Variants in RASGRF2 observed in about 807,000 individuals in gnomAD.
RASGRF2 encodes Ras protein specific guanine nucleotide releasing factor 2, also known as ras-specific guanine nucleotide-releasing factor 2.
In RASGRF2, 76 loss-of-function variants were observed where a neutral mutation model predicts 151.0. That is an observed-to-expected ratio of 0.50 (90% CI 0.42 to 0.61). The LOEUF is 0.61. RASGRF2 is among the 20% of genes least tolerant of loss of function. RASGRF2 has a pLI of 0.00. For synonymous variants in RASGRF2, 504 were observed against 566.5 expected, an observed-to-expected ratio of 0.89 and a Z score of 1.57; for missense variants, 1,148 against 1,564.6, an observed-to-expected ratio of 0.73 and a Z score of 4.49.
At chr5:80,989,375 C>G (rs1288288651) in intron 1 of RASGRF2, among the ~76,000 whole-genome samples, 1 of 152,110 alleles carries the variant, frequency 6.6e-6, no homozygotes, top group Admixed American at 6.5e-5. Flanking sequence ...TTGTATAAAG[C>G]CTTACCTAAG....
At position 81,226,755 on chromosome 5, in the gene RASGRF2, T is replaced by C. The variant is rs797001380; in HGVS notation, c.*985T>C. ...CCTTTTTTTAGGCTTACTATGAACATTGGCTGTATTTTTTTTAAACAGTTT... is the reference window on the plus strand; with the variant it reads ...CCTTTTTTTAGGCTTACTATGAACACTGGCTGTATTTTTTTTAAACAGTTT... On this transcript the variant is annotated 3_prime_UTR_variant, in exon 27 of 27. Coordinates refer to ENST00000265080, the MANE Select transcript of RASGRF2 (RefSeq NM_006909.3). 8.5e-5 allele frequency: 13 copies of C among 152,352 alleles called. No homozygotes were observed. Among genetic ancestry groups the C allele is most frequent in the African/African-American group, 3.1e-4 (13 of 41,578 alleles). 9.4% of individuals were successfully genotyped at this position (152,352 alleles called of 1,614,324 possible). A position where few individuals can be genotyped will look rare whatever the true frequency, so the allele number is the denominator to read the frequency against.
intron 1 of RASGRF2, among the ~76,000 whole-genome samples, chr5:81,008,047 C>T (rs1183861605): frequency 2.6e-5 from 4 of 151,154 alleles, no homozygotes; most frequent in South Asian, 2.1e-4. Context: ...TGCACTGTCT[C>T]GTCTGATTTA....
At chr5:80,962,325 TATAAAC>T (rs1225378593) in intron 1 of RASGRF2, among the ~76,000 whole-genome samples, 1 of 152,200 alleles carries the variant, frequency 6.6e-6, no homozygotes, top group Admixed American at 6.5e-5. Flanking sequence ...ATACTAGAAA[TATAAAC>T]ATAAATTTCA....
intron 22 of RASGRF2, 152 bp from the exon 23 acceptor site, chr5:81,212,214 C>T: frequency 1.7e-6 from 1 of 573,112 alleles, no homozygotes; most frequent in Non-Finnish European, 3.1e-6. Flanking sequence ...ACTTTAGTCT[C>T]TTTAGAAAGT....
intron 15 of RASGRF2, among the ~76,000 whole-genome samples, chr5:81,115,797 A>G (rs183300820): frequency 7.4e-4 from 113 of 152,252 alleles, no homozygotes; most frequent in African/African-American, 2.5e-3. Flanking sequence ...AGAGTCCACA[A>G]TGGTAAATAG....
intron 18 of RASGRF2, among the ~76,000 whole-genome samples, chr5:81,185,614 C>T (rs1299584200): frequency 6.6e-6 from 1 of 152,124 alleles, no homozygotes; most frequent in Non-Finnish European, 1.5e-5. Context: ...TGGCCACTGC[C>T]CACCTGCCAC....
chr5:81,209,477 T>A (rs1043854374), intron 22 of RASGRF2, among the ~76,000 whole-genome samples: 1 of 152,152 alleles, frequency 6.6e-6, no homozygotes, highest in Non-Finnish European at 1.5e-5. Context: ...CATAGGTAAA[T>A]TAATAAGTGA....
chr5:81,092,797 C>T lies in RASGRF2; in HGVS notation c.1391-4C>T. The stretch of plus-strand genomic sequence containing the variant: ...TGTGTATTCTTCATTTTTGTAATCA[C>T]CAGGTTCTCTTATTCAAGTACCTTC... On this transcript the variant is annotated splice_region_variant and splice_polypyrimidine_tract_variant and intron_variant, in intron 9 of 26. Coordinates refer to ENST00000265080, the MANE Select transcript of RASGRF2 (RefSeq NM_006909.3). The T allele has an allele frequency of 6.2e-7, 1 of 1,608,856 alleles. No individual in the cohort carries two copies. Among genetic ancestry groups the T allele is most frequent in the Non-Finnish European group, 8.5e-7 (1 of 1,177,678 alleles).
At chr5:81,217,167 T>C (rs1177461752) in intron 24 of RASGRF2, among the ~76,000 whole-genome samples, 189 bp from the exon 25 acceptor site, 1 of 152,234 alleles carries the variant, frequency 6.6e-6, no homozygotes, top group Non-Finnish European at 1.5e-5. Context: ...GGCTGTCATT[T>C]TGTATTATAT....
At chr5:81,073,518 A>G in intron 5 of RASGRF2, 66 bp downstream of exon 5, 1 of 1,498,716 alleles carries the variant, frequency 6.7e-7, no homozygotes, top group Admixed American at 2.2e-5. Flanking sequence ...AAGAATTTTT[A>G]CTTAATCTTT....
chr5:81,025,354 G>A (rs773611362), intron 1 of RASGRF2, among the ~76,000 whole-genome samples: 8 of 152,134 alleles, frequency 5.3e-5, no homozygotes, highest in Non-Finnish European at 1.2e-4. Context: ...CATCAACTTC[G>A]GAGGACACAG....
At chr5:81,074,995 T>C (rs1265235763) in intron 5 of RASGRF2, among the ~76,000 whole-genome samples, 1 of 152,182 alleles carries the variant, frequency 6.6e-6, no homozygotes, top group Admixed American at 6.5e-5. Context: ...GGTCAGGTTT[T>C]GAGCAGAGAA....
intron 15 of RASGRF2, among the ~76,000 whole-genome samples, chr5:81,119,860 T>C (rs1246162813): frequency 6.6e-6 from 1 of 152,236 alleles, no homozygotes; most frequent in African/African-American, 2.4e-5. Context: ...TATATTTTTT[T>C]CAGTTAATTT....
intron 17 of RASGRF2, among the ~76,000 whole-genome samples, chr5:81,161,282 A>G (rs1754377722): frequency 6.6e-6 from 1 of 152,196 alleles, no homozygotes. Context: ...AGTAAAGCAT[A>G]AAACTCTAGG....
chr5:81,087,898 C>G (rs1477703398), intron 9 of RASGRF2: 1 of 153,484 alleles, frequency 6.5e-6, no homozygotes, highest in African/African-American at 2.4e-5. Context: ...CTCTTTTTAC[C>G]TCATCAAGAA....
At chr5:81,225,613 C>T (rs1271252737) in intron 26 of RASGRF2, 65 bp from the exon 27 acceptor site, 70 of 1,565,074 alleles carry the variant, frequency 4.5e-5, no homozygotes, top group South Asian at 1.4e-4. Flanking sequence ...TGTTAGATTC[C>T]GTCAGAAAAT....
At chr5:81,111,058 AG>A (rs1423786938) in intron 13 of RASGRF2, among the ~76,000 whole-genome samples, 3 of 152,234 alleles carry the variant, frequency 2.0e-5, no homozygotes, top group African/African-American at 7.2e-5. Flanking sequence ...AAGCTAAGAA[AG>A]CAGTTGATTC....
At chr5:81,192,783 T>C (rs16878522) in intron 18 of RASGRF2, among the ~76,000 whole-genome samples, 15,408 of 152,286 alleles carry the variant, frequency 0.1, 776 homozygotes, top group Middle Eastern at 0.14. Context: ...CTGATTTGCA[T>C]ATATCATGAT....
intron 1 of RASGRF2, among the ~76,000 whole-genome samples, chr5:81,042,354 A>G (rs1011318537): frequency 6.6e-6 from 1 of 152,186 alleles, no homozygotes; most frequent in Non-Finnish European, 1.5e-5. Flanking sequence ...CTCTGGGAAA[A>G]CAGGGGTATA....
Sources: allele counts gnomAD v4.1 joint callset (sites outside exome capture counted in the v4.1 genomes callset), GRCh38; gene constraint gnomAD v4.1.1; transcripts MANE v1.5; gene names NCBI Gene and HGNC (gene_info 2026-07-23, HGNC 2026-07-21).